HPSE2: variants seen among roughly 807,000 people sequenced by gnomAD.
The protein encoded by HPSE2 is heparanase 2 (inactive), also known as inactive heparanase-2.
In HPSE2, 38 loss-of-function variants were observed where a neutral mutation model predicts 60.5. The observed-to-expected ratio is 0.63, with a 90% CI of 0.48 to 0.82. HPSE2 has a LOEUF of 0.82. Among genes scored for constraint, HPSE2 ranks in the 40% least tolerant of loss-of-function variants. The pLI, the probability that HPSE2 is intolerant of heterozygous loss-of-function variation, is 0.00. For missense variants in HPSE2, 713 were observed against 740.4 expected, an observed-to-expected ratio of 0.96 and a Z score of 0.43; for synonymous variants, 295 against 293.2, an observed-to-expected ratio of 1.01 and a Z score of -0.06.
chr10:98,620,820 G>A lies in HPSE2; in HGVS notation c.1099-112C>T. ...TTGATCTGATTTCCTGTTTTCAGGG[G>A]GTCATGATTTGTGCTTTCTTATGAT... On this transcript the variant is annotated intron_variant, in intron 7 of 11. Transcript: ENST00000370552. 5 of 805,848 alleles carry A rather than the reference G, an allele frequency of 6.2e-6. No homozygotes were observed. The South Asian group carries it at 7.3e-5, about 12-fold the overall frequency. 49.9% of individuals were successfully genotyped at this position (805,848 alleles called of 1,614,324 possible). A position where few individuals can be genotyped will look rare whatever the true frequency, so the allele number is the denominator to read the frequency against.
intron 3 of HPSE2, among the ~76,000 whole-genome samples, chr10:98,838,045 G>A (rs1477891350): frequency 6.6e-6 from 1 of 152,116 alleles, no homozygotes; most frequent in Non-Finnish European, 1.5e-5. Flanking sequence ...AAAAGTATAT[G>A]ACATATTTCA....
intron 2 of HPSE2, among the ~76,000 whole-genome samples, chr10:99,181,955 G>A (rs1026528558): frequency 3.9e-5 from 6 of 152,082 alleles, no homozygotes; most frequent in East Asian, 1.9e-4. Context: ...GAAAGACCAC[G>A]TAAGACCACA....
intron 6 of HPSE2, among the ~76,000 whole-genome samples, chr10:98,688,053 A>T (rs1315710608): frequency 1.3e-5 from 2 of 151,478 alleles, no homozygotes; most frequent in Non-Finnish European, 2.9e-5. Flanking sequence ...TTAATTCAGT[A>T]TTTCTTATTT....
chr10:99,111,293 C>A (rs1223534897), intron 3 of HPSE2, among the ~76,000 whole-genome samples: 1 of 152,064 alleles, frequency 6.6e-6, no homozygotes. Flanking sequence ...GTTGGCTATT[C>A]TAGTTCTTTT....
In HPSE2 at chr10:98,876,130, AT is replaced by A. The variant is rs149662006; in HGVS notation, c.611-132075del. Among the ~76,000 whole-genome samples the A allele has an allele frequency of 9.0e-3, 1,369 of 152,086 alleles. 18 individuals are homozygous for A. The highest frequency in any genetic ancestry group is 0.032 in the African/African-American group (1,315 of 41,532). Reference sequence around the variant, plus strand: ...AATATAGTATGAAGCACTAGAAAATATTCAATAAATGTCAGCTATTGTACTT... The same window carrying A: ...AATATAGTATGAAGCACTAGAAAATATCAATAAATGTCAGCTATTGTACTT... On this transcript the variant is annotated intron_variant, in intron 3 of 11. Coordinates refer to ENST00000370552, the MANE Select transcript of HPSE2 (RefSeq NM_021828.5).
intron 9 of HPSE2, among the ~76,000 whole-genome samples, chr10:98,529,700 T>G (rs1943074970): frequency 6.6e-6 from 1 of 152,222 alleles, no homozygotes; most frequent in South Asian, 2.1e-4. Context: ...CTTCAAGCAG[T>G]AAGTACAGAA....
intron 1 of HPSE2, among the ~76,000 whole-genome samples, chr10:99,232,988 C>T (rs1849715321): frequency 6.6e-6 from 1 of 152,290 alleles, no homozygotes; most frequent in Non-Finnish European, 1.5e-5. Context: ...AGGGGCCCCA[C>T]AAACCTCCGT....
chr10:99,081,804 T>C (rs1161456405), intron 3 of HPSE2, among the ~76,000 whole-genome samples: 1 of 151,878 alleles, frequency 6.6e-6, no homozygotes, highest in Non-Finnish European at 1.5e-5. Flanking sequence ...GCCTGGCTAA[T>C]TTTTTGTATT....
At chr10:98,902,479 G>A (rs1953693901) in intron 3 of HPSE2, among the ~76,000 whole-genome samples, 1 of 152,080 alleles carries the variant, frequency 6.6e-6, no homozygotes, top group Admixed American at 6.6e-5. Context: ...AATACCTAAA[G>A]TATGAATGAC....
intron 2 of HPSE2, among the ~76,000 whole-genome samples, chr10:99,223,273 T>C (rs892055034): frequency 6.6e-6 from 1 of 152,212 alleles, no homozygotes; most frequent in Admixed American, 6.5e-5. Flanking sequence ...TATTAATGCA[T>C]GTATACTGCT....
At chr10:99,069,606 C>A (rs911325021) in intron 3 of HPSE2, among the ~76,000 whole-genome samples, 31 of 150,696 alleles carry the variant, frequency 2.1e-4, no homozygotes, top group African/African-American at 7.6e-4. Context: ...TACACGCTCA[C>A]TACAGTTAGA....
chr10:99,250,373 A>C, the HPSE2 span, among the ~76,000 whole-genome samples: 1 of 152,154 alleles, frequency 6.6e-6, no homozygotes, highest in African/African-American at 2.4e-5. Flanking sequence ...TAGACTAATA[A>C]ATAGACCTAC....
intron 3 of HPSE2, among the ~76,000 whole-genome samples, chr10:98,999,156 C>CGTGTGTGTGT (rs55879808): frequency 0.018 from 2,508 of 137,632 alleles, 44 homozygotes; most frequent in East Asian, 0.066. Context: ...GTATAGACTA[C>CGTGTGTGTGT]GTGTGTGTGT....
At position 99,233,217 on chromosome 10, in the gene HPSE2, C is replaced by CCACCA. The variant is rs1554926742; in HGVS notation, c.291-713_291-712insTGGTG. Among the ~76,000 whole-genome samples, 5 of 2,518 alleles carry CCACCA rather than the reference C, an allele frequency of 2.0e-3. No individual in the cohort carries two copies. In the African/African-American group the frequency reaches 0.026, roughly 13 times the overall value. The allele number at this position is 2,518 out of a possible 152,430, so 1.7% of individuals were successfully genotyped here. On this transcript the variant is annotated intron_variant, in intron 1 of 11. Coordinates refer to ENST00000370552, the MANE Select transcript of HPSE2 (RefSeq NM_021828.5). The stretch of plus-strand genomic sequence containing the variant: ...CACTCCCGCACCACCACCACCACCA[C>CCACCA]CACACACACACACAGTAAAGGCAAA...
At chr10:98,692,265 A>T (rs540762673) in intron 6 of HPSE2, among the ~76,000 whole-genome samples, 6 of 152,166 alleles carry the variant, frequency 3.9e-5, no homozygotes, top group African/African-American at 1.2e-4. Context: ...AGATATGCAC[A>T]TGGACCTGAA....
At chr10:98,942,775 T>C (rs1202323257) in intron 3 of HPSE2, among the ~76,000 whole-genome samples, 1 of 152,038 alleles carries the variant, frequency 6.6e-6, no homozygotes, top group Non-Finnish European at 1.5e-5. Context: ...TAAAGATACA[T>C]GCACACGTAT....
intron 3 of HPSE2, among the ~76,000 whole-genome samples, chr10:98,870,588 C>CA (rs1206048039): frequency 1.3e-5 from 2 of 152,096 alleles, no homozygotes; most frequent in African/African-American, 4.8e-5. Context: ...ATTGAAAATA[C>CA]AAAATACTAA....
chr10:98,979,160 GT>G (rs1177686981), intron 3 of HPSE2, among the ~76,000 whole-genome samples: 1 of 152,122 alleles, frequency 6.6e-6, no homozygotes, highest in Non-Finnish European at 1.5e-5. Flanking sequence ...TGTGTGTTAG[GT>G]AAACCTCCTT....
intron 3 of HPSE2, among the ~76,000 whole-genome samples, chr10:99,070,291 T>C (rs959296597): frequency 1.3e-5 from 2 of 152,192 alleles, no homozygotes; most frequent in African/African-American, 4.8e-5. Flanking sequence ...CCAAATTTTT[T>C]AAATGGACAA....
Sources: gnomAD v4.1 joint callset for allele counts (sites outside exome capture counted in the v4.1 genomes callset) on GRCh38, gnomAD v4.1.1 for gene constraint, MANE v1.5 for transcripts, NCBI Gene and HGNC (gene_info 2026-07-23, HGNC 2026-07-21) for gene names.